Variants in PPP2R2C observed in about 807,000 individuals in gnomAD.
PPP2R2C encodes protein phosphatase 2 regulatory subunit Bgamma, also known as protein phosphatase 2, regulatory subunit B, gamma.
PPP2R2C carries 10 observed loss-of-function variants against 45.3 expected under a neutral mutation model. The ratio of observed to expected loss-of-function variants is 0.22; its 90% CI spans 0.14 to 0.37. PPP2R2C has a LOEUF of 0.37. Among genes scored for constraint, PPP2R2C ranks in the 10% least tolerant of loss-of-function variants. The pLI is 1.00. For synonymous variants in PPP2R2C, 257 were observed against 245.4 expected, an observed-to-expected ratio of 1.05 and a Z score of -0.44; for missense variants, 308 against 619.7, an observed-to-expected ratio of 0.50 and a Z score of 5.34.
intron 2 of PPP2R2C, among the ~76,000 whole-genome samples, chr4:6,516,523 C>T (rs1409338248): frequency 6.6e-6 from 1 of 152,200 alleles, no homozygotes. Context: ...GCCATCCGTC[C>T]ATCTGTCCAC....
chr4:6,360,066 G>A (rs926970712), intron 5 of PPP2R2C, among the ~76,000 whole-genome samples: 1 of 152,232 alleles, frequency 6.6e-6, no homozygotes, highest in Non-Finnish European at 1.5e-5. Flanking sequence ...TTTGAGACAT[G>A]GTAATAACCC....
At chr4:6,358,500 C>A in intron 5 of PPP2R2C, among the ~76,000 whole-genome samples, 1 of 142,348 alleles carries the variant, frequency 7.0e-6, no homozygotes, top group South Asian at 2.3e-4. Context: ...TCTAATTAAA[C>A]TAAAGAGCTT....
chr4:6,375,681 C>T (rs1231492055), intron 4 of PPP2R2C, 138 bp downstream of exon 4: 4 of 679,214 alleles, frequency 5.9e-6, no homozygotes, highest in Admixed American at 5.8e-5. Context: ...CAGGAAGACG[C>T]CCGTGGCCGC....
chr4:6,468,045 T>C (rs1411041814), intron 1 of PPP2R2C, among the ~76,000 whole-genome samples: 2 of 152,198 alleles, frequency 1.3e-5, no homozygotes, highest in African/African-American at 4.8e-5. Context: ...CATCCAGCTA[T>C]GGCCTGAGAT....
intron 2 of PPP2R2C, among the ~76,000 whole-genome samples, chr4:6,525,924 G>T (rs1303368214): frequency 6.6e-6 from 1 of 151,970 alleles, no homozygotes; most frequent in Non-Finnish European, 1.5e-5. Flanking sequence ...GGCTGGTCTC[G>T]AACTCCTGAC....
intron 5 of PPP2R2C, among the ~76,000 whole-genome samples, chr4:6,359,093 C>T (rs912176317): frequency 6.6e-6 from 1 of 152,192 alleles, no homozygotes. Context: ...TTGGAACCAA[C>T]CCAAATGTCC....
At chr4:6,349,822 T>C (rs1191074591) in intron 5 of PPP2R2C, 20 of 910,292 alleles carry the variant, frequency 2.2e-5, no homozygotes, top group Non-Finnish European at 2.1e-5. Context: ...ACCTGGGAGG[T>C]GGATGTTGCA....
At chr4:6,503,319 C>T (rs1362313670) in intron 2 of PPP2R2C, among the ~76,000 whole-genome samples, 2 of 152,200 alleles carry the variant, frequency 1.3e-5, no homozygotes, top group African/African-American at 4.8e-5. Context: ...CACACATTCA[C>T]TCAGCCACCA....
intron 1 of PPP2R2C, among the ~76,000 whole-genome samples, chr4:6,421,678 G>A (rs1013307732): frequency 2.0e-5 from 3 of 151,106 alleles, no homozygotes; most frequent in South Asian, 2.1e-4. Context: ...GAGAGGGCAC[G>A]TGGCATAGGA....
intron 5 of PPP2R2C, among the ~76,000 whole-genome samples, chr4:6,370,354 T>C (rs1030592614): frequency 6.6e-6 from 1 of 152,192 alleles, no homozygotes; most frequent in East Asian, 1.9e-4. Context: ...TTGTAAACTG[T>C]ACGGTACGGT....
intron 5 of PPP2R2C, chr4:6,348,794 G>T: frequency 1.3e-6 from 1 of 769,586 alleles, no homozygotes; most frequent in Non-Finnish European, 1.6e-6. Context: ...AAGATCTGGT[G>T]ATGCCATTGG....
chr4:6,499,712 T>A (rs1722985563), intron 2 of PPP2R2C, among the ~76,000 whole-genome samples: 2 of 151,486 alleles, frequency 1.3e-5, no homozygotes, highest in Non-Finnish European at 2.9e-5. Context: ...TTGTAATATT[T>A]AAGGTATATT....
intron 1 of PPP2R2C, among the ~76,000 whole-genome samples, chr4:6,425,618 T>C (rs750792739): frequency 6.6e-6 from 1 of 152,196 alleles, no homozygotes; most frequent in Admixed American, 6.5e-5. Flanking sequence ...CACTGCCTTT[T>C]TGCACAGGCT....
rs543418584 is a variant in PPP2R2C, at chr4:6,324,074, C to T, written c.1053-481G>A. 2.0e-5 allele frequency among the ~76,000 whole-genome samples: 3 copies of T among 152,304 alleles called. No individual in the cohort carries two copies. In the East Asian group the frequency reaches 5.8e-4, roughly 29 times the overall value. ...ATACCCCCTCACATGTCAGCTGCCA[C>T]CAACATGCAGACTTTGGGGCCAGGA... On this transcript the variant is annotated intron_variant, in intron 8 of 8. Transcript: ENST00000382599. This position sits in a 1 kb window ranked among gnomAD's most constrained non-coding sequence, Gnocchi z 4.1.
At chr4:6,531,687 G>A (rs1724407606) in intron 2 of PPP2R2C, among the ~76,000 whole-genome samples, 1 of 151,988 alleles carries the variant, frequency 6.6e-6, no homozygotes, top group South Asian at 2.1e-4. Context: ...TTCCTCAGTT[G>A]CTGTTATTAT....
intron 5 of PPP2R2C, among the ~76,000 whole-genome samples, chr4:6,357,490 C>G (rs1423810881): frequency 6.6e-6 from 1 of 152,218 alleles, no homozygotes; most frequent in Non-Finnish European, 1.5e-5. Flanking sequence ...GCCAGAGGTG[C>G]TAGCTAAACA....
chr4:6,407,661 A>G (rs968846713), intron 1 of PPP2R2C, among the ~76,000 whole-genome samples: 3 of 152,220 alleles, frequency 2.0e-5, no homozygotes, highest in Admixed American at 6.5e-5. Flanking sequence ...TCGGCCTCCC[A>G]AAGGCTGGGA....
chr4:6,524,622 G>A (rs1313741003), intron 2 of PPP2R2C, among the ~76,000 whole-genome samples: 1 of 152,192 alleles, frequency 6.6e-6, no homozygotes, highest in Non-Finnish European at 1.5e-5. Context: ...TTGGCCACCT[G>A]GGACTGGATT....
At chr4:6,530,717 C>A (rs759689101) in intron 2 of PPP2R2C, among the ~76,000 whole-genome samples, 1 of 152,196 alleles carries the variant, frequency 6.6e-6, no homozygotes, top group Non-Finnish European at 1.5e-5. Flanking sequence ...TGCCCCATCC[C>A]CTACCTCCTA....
Sources: allele counts gnomAD v4.1 joint callset (sites outside exome capture counted in the v4.1 genomes callset), GRCh38; gene constraint gnomAD v4.1.1; non-coding constraint Gnocchi (gnomAD v3.1); transcripts MANE v1.5; gene names NCBI Gene and HGNC (gene_info 2026-07-23, HGNC 2026-07-21).